SESTD1: variants seen among roughly 807,000 people sequenced by gnomAD.
SESTD1 encodes SEC14 domain and spectrin repeat-containing protein 1.
In SESTD1, 43 loss-of-function variants were observed where a neutral mutation model predicts 101.7. The ratio of observed to expected loss-of-function variants is 0.42; its 90% CI spans 0.33 to 0.55. The LOEUF is 0.55. SESTD1 is among the 20% of genes least tolerant of loss of function. SESTD1 has a pLI of 0.07. For missense variants in SESTD1, 647 were observed against 815.1 expected (o/e 0.79, Z 2.51); for synonymous variants, 283 against 286.8 (o/e 0.99, Z 0.13).
chr2:179,245,515 CAAAAAAA>C (rs59103658), intron 1 of SESTD1, among the ~76,000 whole-genome samples: 16 of 45,198 alleles, frequency 3.5e-4, no homozygotes, highest in East Asian at 2.9e-3. Context: ...GACTCTGTCT[CAAAAAAA>C]AAAAAAAAAA....
rs771525132 is a variant in SESTD1, at chr2:179,149,398, C to A, written c.484-4G>T. 1.9e-6 allele frequency: 3 copies of A among 1,565,952 alleles called. No individual in the cohort carries two copies. The highest frequency in any genetic ancestry group is 1.8e-5 in the Admixed American group (1 of 55,048). Reference sequence around the variant, plus strand: ...CCTTTGTAAACTTCTCAAAAACCTACAATATGAGTTTTATTAACATACTAA... The same window carrying A: ...CCTTTGTAAACTTCTCAAAAACCTAAAATATGAGTTTTATTAACATACTAA... On this transcript the variant is annotated splice_region_variant and splice_polypyrimidine_tract_variant and intron_variant, in intron 6 of 17. Transcript: ENST00000428443.
chr2:179,144,564 GTAAA>G (rs1408019136), intron 8 of SESTD1, among the ~76,000 whole-genome samples: 6 of 135,684 alleles, frequency 4.4e-5, no homozygotes, highest in South Asian at 5.6e-4. Flanking sequence ...AATTTTAAAA[GTAAA>G]TAAGGTAAAA....
chr2:179,156,799 T>C (rs1300672479), intron 5 of SESTD1, among the ~76,000 whole-genome samples: 1 of 152,242 alleles, frequency 6.6e-6, no homozygotes, highest in Non-Finnish European at 1.5e-5. Context: ...ACTGTTCATT[T>C]TGCCATACAA....
intron 2 of SESTD1, among the ~76,000 whole-genome samples, chr2:179,183,463 A>T (rs1269237343): frequency 6.6e-6 from 1 of 152,132 alleles, no homozygotes; most frequent in Non-Finnish European, 1.5e-5. Context: ...TCCTTAATGT[A>T]ATCAATTCAT....
At chr2:179,196,834 T>C (rs1483810224) in intron 1 of SESTD1, among the ~76,000 whole-genome samples, 2 of 151,842 alleles carry the variant, frequency 1.3e-5, no homozygotes, top group African/African-American at 2.4e-5. Context: ...AGACCAAAAG[T>C]AGATAAAACC....
intron 5 of SESTD1, among the ~76,000 whole-genome samples, chr2:179,171,662 G>C (rs1218464461): frequency 6.6e-6 from 1 of 152,004 alleles, no homozygotes; most frequent in South Asian, 2.1e-4. Context: ...ATCACACAAG[G>C]AAAGTAAAAG....
chr2:179,118,265 A>C (rs1239497068), intron 13 of SESTD1, among the ~76,000 whole-genome samples: 4 of 152,208 alleles, frequency 2.6e-5, no homozygotes, highest in Admixed American at 6.5e-5. Context: ...AAAACAAAAA[A>C]ACTCTACTGA....
At position 179,146,379 on chromosome 2, in the gene SESTD1, C is replaced by T. The variant is rs200623866; in HGVS notation, c.637+23G>A. On this transcript the variant is annotated intron_variant, in intron 8 of 17. Coordinates refer to ENST00000428443, the MANE Select transcript of SESTD1 (RefSeq NM_178123.5). ...TCCAATTGGTTTACTGGATTATTAT[C>T]ACAAATATTTTTTAAATCTTACCTG... The T allele has an allele frequency of 1.9e-6, 3 of 1,584,906 alleles. No homozygotes were observed. In the African/African-American group the frequency reaches 4.1e-5, roughly 21 times the overall value.
intron 1 of SESTD1, among the ~76,000 whole-genome samples, chr2:179,236,673 A>G (rs1180180436): frequency 6.6e-6 from 1 of 151,718 alleles, no homozygotes; most frequent in Non-Finnish European, 1.5e-5. Flanking sequence ...CCGTGCTCTT[A>G]CTTGTAATTT....
In SESTD1 at chr2:179,107,384, T is replaced by A. The variant is rs571546357; in HGVS notation, c.*2515A>T. ...TTTATGAATCCTGCCTTATTTTACT[T>A]TTTGTAGGCAAGATAGCTTAAGGTA... On this transcript the variant is annotated 3_prime_UTR_variant, in exon 18 of 18. Coordinates refer to ENST00000428443, the MANE Select transcript of SESTD1 (RefSeq NM_178123.5). 117 of 152,284 alleles carry A rather than the reference T, an allele frequency of 7.7e-4. No individual in the cohort carries two copies. Among genetic ancestry groups the A allele is most frequent in the African/African-American group, 2.7e-3 (114 of 41,550 alleles). The allele number at this position is 152,284 out of a possible 1,614,324, so 9.4% of individuals were successfully genotyped here. A position where few individuals can be genotyped will look rare whatever the true frequency, so the allele number is the denominator to read the frequency against.
chr2:179,145,614 T>C (rs942284674), intron 8 of SESTD1, among the ~76,000 whole-genome samples: 1 of 152,256 alleles, frequency 6.6e-6, no homozygotes, highest in Non-Finnish European at 1.5e-5. Context: ...GGTTGGAATA[T>C]ACATATCAGG....
rs71023474 is a variant in SESTD1 at position 179,230,113 on chromosome 2, C to CTTTTTTTTTTTTTTTTTTTT, written c.-26+34366_-26+34385dup. On this transcript the variant is annotated intron_variant, in intron 1 of 17. Coordinates refer to ENST00000428443, the MANE Select transcript of SESTD1 (RefSeq NM_178123.5). ...AAATATTCCAAACTGGATTGTATCT[C>CTTTTTTTTTTTTTTTTTTTT]TTTTTTTTTTTTTTTTTTTTTTTTT... 1.1e-4 allele frequency among the ~76,000 whole-genome samples: 6 copies of CTTTTTTTTTTTTTTTTTTTT among 56,420 alleles called. 2 individuals carry two copies. Among genetic ancestry groups the CTTTTTTTTTTTTTTTTTTTT allele is most frequent in the Non-Finnish European group, 1.3e-4 (4 of 29,970 alleles). 37.0% of individuals were successfully genotyped at this position (56,420 alleles called of 152,430 possible). A position where few individuals can be genotyped will look rare whatever the true frequency, so the allele number is the denominator to read the frequency against.
intron 8 of SESTD1, among the ~76,000 whole-genome samples, chr2:179,144,232 A>G (rs1468833192): frequency 3.3e-5 from 5 of 152,080 alleles, no homozygotes; most frequent in Non-Finnish European, 5.9e-5. Flanking sequence ...TTTCTGTCTG[A>G]TGGTACTAAT....
At chr2:179,196,426 C>T (rs1453032421) in intron 1 of SESTD1, among the ~76,000 whole-genome samples, 2 of 152,240 alleles carry the variant, frequency 1.3e-5, no homozygotes, top group Admixed American at 6.5e-5. Flanking sequence ...ACAAAGCAGC[C>T]AGGAAGCTCA....
intron 8 of SESTD1, among the ~76,000 whole-genome samples, chr2:179,145,939 T>C (rs2045384856): frequency 6.6e-6 from 1 of 151,220 alleles, no homozygotes; most frequent in Non-Finnish European, 1.5e-5. Context: ...TTATAGATAA[T>C]AAATTAAATC....
intron 1 of SESTD1, among the ~76,000 whole-genome samples, chr2:179,252,069 T>C (rs998087570): frequency 2.0e-5 from 3 of 152,206 alleles, no homozygotes; most frequent in Non-Finnish European, 4.4e-5. Context: ...CTTAAATGAT[T>C]CACACTAAGG....
chr2:179,251,679 T>C (rs1432019997), intron 1 of SESTD1, among the ~76,000 whole-genome samples: 1 of 152,230 alleles, frequency 6.6e-6, no homozygotes, highest in Non-Finnish European at 1.5e-5. Flanking sequence ...TATTAGGAGA[T>C]GAAGCCTTTG....
chr2:179,158,952 T>A (rs1461096529), intron 5 of SESTD1, among the ~76,000 whole-genome samples: 1 of 152,208 alleles, frequency 6.6e-6, no homozygotes, highest in Non-Finnish European at 1.5e-5. Flanking sequence ...TGATGAAACA[T>A]CTCAGTTTCC....
chr2:179,231,498 A>G (rs1466890736), intron 1 of SESTD1, among the ~76,000 whole-genome samples: 1 of 150,396 alleles, frequency 6.6e-6, no homozygotes, highest in Non-Finnish European at 1.5e-5. Flanking sequence ...AACAACAAAC[A>G]GCAAAGCCTA....
Sources: gnomAD v4.1 joint callset for allele counts (sites outside exome capture counted in the v4.1 genomes callset) on GRCh38, gnomAD v4.1.1 for gene constraint, MANE v1.5 for transcripts, NCBI Gene and HGNC (gene_info 2026-07-23, HGNC 2026-07-21) for gene names.